KCNQ5: variants seen among roughly 807,000 people sequenced by gnomAD.
KCNQ5 encodes the protein potassium voltage-gated channel subfamily KQT member 5.
Under a neutral mutation model 98.2 loss-of-function variants are expected in KCNQ5, and 30 were observed. The observed-to-expected ratio is 0.31, with a 90% confidence interval of 0.23 to 0.41. The LOEUF (loss-of-function observed/expected upper bound fraction) is 0.41, where lower values mean the gene tolerates loss of function less well. Among genes scored for constraint, KCNQ5 ranks in the 10% least tolerant of loss-of-function variants. The probability of loss-of-function intolerance (pLI) is 1.00; values close to 1 mark genes in which losing one functional copy is unlikely to be tolerated. For synonymous variants in KCNQ5, 458 were observed against 449.4 expected (o/e 1.02, Z -0.24); for missense variants, 835 against 1,182.5 (o/e 0.71, Z 4.31).
intron 1 of KCNQ5, among the ~76,000 whole-genome samples, chr6:72,765,671 A>G (rs1220620099): frequency 6.6e-6 from 1 of 152,082 alleles, no homozygotes; most frequent in African/African-American, 2.4e-5. Context: ...GGCAGGAGGC[A>G]GCTGATATCA....
chr6:73,144,480 T>C (rs192153593), intron 10 of KCNQ5, among the ~76,000 whole-genome samples: 130 of 152,342 alleles, frequency 8.5e-4, no homozygotes, highest in Non-Finnish European at 9.1e-4. Context: ...GCAATTGTTA[T>C]ACCACATCGT....
intron 2 of KCNQ5, among the ~76,000 whole-genome samples, chr6:73,033,730 A>G (rs1402198921): frequency 2.3e-5 from 2 of 86,764 alleles, no homozygotes; most frequent in Admixed American, 2.7e-4. Context: ...CCTTCCCCCC[A>G]TACCCACCCC....
intron 3 of KCNQ5, among the ~76,000 whole-genome samples, chr6:73,043,750 A>G (rs892334290): frequency 4.6e-5 from 7 of 152,194 alleles, no homozygotes; most frequent in African/African-American, 9.7e-5. Flanking sequence ...GTTTTGTTCC[A>G]ATTTCAGAAG....
chr6:73,081,113 C>G (rs1335564157), intron 5 of KCNQ5, among the ~76,000 whole-genome samples: 1 of 151,918 alleles, frequency 6.6e-6, no homozygotes, highest in Admixed American at 6.6e-5. Context: ...ACAAAAGGAA[C>G]AAAAAAAGAG....
rs552688868 is a variant in KCNQ5 at position 72,928,946 on chromosome 6, C to T, written c.399-74962C>T. 6.6e-5 allele frequency among the ~76,000 whole-genome samples: 10 copies of T among 152,226 alleles called. 1 individual carries two copies. Among genetic ancestry groups the T allele is most frequent in the African/African-American group, 2.4e-4 (10 of 41,560 alleles). On this transcript the variant is annotated intron_variant, in intron 1 of 13. Transcript: ENST00000370398. ...GTTAGAGATATAAAGATAAGTAAGA[C>T]TTGGTCCCTGTATTTAAAGACTCAC...
At chr6:73,036,385 CAAAAAAAAAAAAAAAA>C (rs70994156) in intron 2 of KCNQ5, among the ~76,000 whole-genome samples, 1 of 78,552 alleles carries the variant, frequency 1.3e-5, no homozygotes, top group Non-Finnish European at 2.3e-5. Context: ...GACTCTGTCT[CAAAAAAAAAAAAAAAA>C]AAAAAAAAAA....
chr6:72,868,677 G>A lies in KCNQ5; in HGVS notation c.399-135231G>A, dbSNP rs151154253. Among the ~76,000 whole-genome samples the A allele has an allele frequency of 4.0e-3, 603 of 152,310 alleles. 1 individual carries two copies. Among genetic ancestry groups the A allele is most frequent in the Non-Finnish European group, 6.7e-3 (455 of 68,038 alleles). ...ACAGTCAGGTAGAGCACAATCATGGGAAAGAGAGCAACCAGTAAGCTCTAT... is the reference window on the plus strand; with the variant it reads ...ACAGTCAGGTAGAGCACAATCATGGAAAAGAGAGCAACCAGTAAGCTCTAT... On this transcript the variant is annotated intron_variant, in intron 1 of 13. Coordinates refer to ENST00000370398, the MANE Select transcript of KCNQ5 (RefSeq NM_019842.4).
At chr6:73,091,170 C>G (rs570482471) in intron 5 of KCNQ5, among the ~76,000 whole-genome samples, 3 of 152,188 alleles carry the variant, frequency 2.0e-5, no homozygotes, top group Admixed American at 6.5e-5. Context: ...ATGTCCTTTG[C>G]AGGGACATGG....
chr6:72,941,038 A>G (rs1384230247), intron 1 of KCNQ5, among the ~76,000 whole-genome samples: 2 of 152,202 alleles, frequency 1.3e-5, no homozygotes, highest in Non-Finnish European at 2.9e-5. Flanking sequence ...GTCTTATTAA[A>G]CAAAGATTCA....
At chr6:73,116,883 G>T (rs1775522637) in intron 7 of KCNQ5, among the ~76,000 whole-genome samples, 1 of 152,098 alleles carries the variant, frequency 6.6e-6, no homozygotes, top group Non-Finnish European at 1.5e-5. Flanking sequence ...TCCTTTGGAT[G>T]GTCAGCTGAA....
chr6:72,672,390 GC>G (rs1453252898), intron 1 of KCNQ5, among the ~76,000 whole-genome samples: 1 of 152,060 alleles, frequency 6.6e-6, no homozygotes, highest in African/African-American at 2.4e-5. Context: ...GAGCCACTGC[GC>G]CCAGCCTTCA....
chr6:72,622,207 G>C lies in KCNQ5; in HGVS notation c.18G>C (p.Ala6=), dbSNP rs1037269066. The C allele has an allele frequency of 4.1e-6, 5 of 1,228,198 alleles. No individual in the cohort carries two copies. Among genetic ancestry groups the C allele is most frequent in the Non-Finnish European group, 4.1e-6 (4 of 986,038 alleles). The allele number at this position is 1,228,198 out of a possible 1,614,324, so 76.1% of individuals were successfully genotyped here. Residue 6 remains alanine, a synonymous_variant, in exon 1 of 14, where the codon GCG becomes GCC. Coordinates refer to ENST00000370398, the MANE Select transcript of KCNQ5 (RefSeq NM_019842.4). The surrounding 1 kb of genome is among the most constrained non-coding windows in gnomAD (Gnocchi z 6.0). Reference sequence around the variant, plus strand: ...GTGATGCCATGCCCCGCCACCACGCGGGAGGAGAGGAGGGCGGCGCCGCCG... The same window carrying C: ...GTGATGCCATGCCCCGCCACCACGCCGGAGGAGAGGAGGGCGGCGCCGCCG... MPRHH[A]GGEEGGAAGL...
At chr6:72,818,154 G>A (rs7760479) in intron 1 of KCNQ5, among the ~76,000 whole-genome samples, 100,345 of 151,994 alleles carry the variant, frequency 0.66, 34,058 homozygotes, top group African/African-American at 0.84. Context: ...ATTTGAAAAA[G>A]TTGTGAATAA....
At chr6:72,705,297 C>T (rs1452562891) in intron 1 of KCNQ5, among the ~76,000 whole-genome samples, 2 of 152,050 alleles carry the variant, frequency 1.3e-5, no homozygotes, top group East Asian at 1.9e-4. Context: ...TAGGTTAAAC[C>T]GCAGAAAATA....
chr6:73,062,718 C>A (rs947615408), intron 3 of KCNQ5, among the ~76,000 whole-genome samples: 7 of 152,248 alleles, frequency 4.6e-5, no homozygotes, highest in Admixed American at 1.3e-4. Context: ...GTCATGGGAA[C>A]ATGATTATAT....
rs189516148 is a variant in KCNQ5 at position 73,038,581 on chromosome 6, G to C, written c.490-3355G>C. Reference sequence around the variant, plus strand: ...CAAGAGTTTTTTTTAATCATAAATGGGTGTTGGATTTTGTCAAATGCTATT... The same window carrying C: ...CAAGAGTTTTTTTTAATCATAAATGCGTGTTGGATTTTGTCAAATGCTATT... On this transcript the variant is annotated intron_variant, in intron 2 of 13. Coordinates refer to ENST00000370398, the MANE Select transcript of KCNQ5 (RefSeq NM_019842.4). Among the ~76,000 whole-genome samples the C allele has an allele frequency of 7.4e-3, 1,126 of 151,800 alleles. 16 individuals carry two copies. Among genetic ancestry groups the C allele is most frequent in the African/African-American group, 0.026 (1,095 of 41,414 alleles).
At chr6:73,132,037 A>G (rs1776260593) in intron 9 of KCNQ5, among the ~76,000 whole-genome samples, 1 of 152,206 alleles carries the variant, frequency 6.6e-6, no homozygotes, top group Admixed American at 6.5e-5. Flanking sequence ...GTGCCCTTTT[A>G]GAATATCGTT....
chr6:72,876,046 T>C (rs2150167649), intron 1 of KCNQ5, among the ~76,000 whole-genome samples: 1 of 152,162 alleles, frequency 6.6e-6, no homozygotes, highest in African/African-American at 2.4e-5. Flanking sequence ...CTTAACCTAG[T>C]CAATTGGCTT....
intron 1 of KCNQ5, among the ~76,000 whole-genome samples, chr6:72,692,587 T>A (rs1248237636): frequency 6.6e-6 from 1 of 152,250 alleles, no homozygotes; most frequent in Non-Finnish European, 1.5e-5. Flanking sequence ...TTTGAAATTT[T>A]CTAAGGTGAT....
Sources: allele counts gnomAD v4.1 joint callset (sites outside exome capture counted in the v4.1 genomes callset), GRCh38; gene constraint gnomAD v4.1.1; non-coding constraint Gnocchi (gnomAD v3.1); transcripts MANE v1.5; gene names NCBI Gene and HGNC (gene_info 2026-07-23, HGNC 2026-07-21).